Variants in SIL1 observed in about 807,000 individuals in gnomAD.
The protein encoded by SIL1 is nucleotide exchange factor SIL1.
Under a neutral mutation model 49.1 loss-of-function variants are expected in SIL1, and 40 were observed. The observed-to-expected ratio is 0.81, with a 90% CI of 0.63 to 1.06. The LOEUF is 1.06. Among genes scored for constraint, SIL1 ranks in the 50% least tolerant of loss-of-function variants. The probability of loss-of-function intolerance (pLI) is 0.00; values close to 1 mark genes in which losing one functional copy is unlikely to be tolerated. For synonymous variants in SIL1, 253 were observed against 250.8 expected, an observed-to-expected ratio of 1.01 and a Z score of -0.08; for missense variants, 500 against 572.6, an observed-to-expected ratio of 0.87 and a Z score of 1.29.
intron 1 of SIL1, among the ~76,000 whole-genome samples, chr5:139,164,589 T>C (rs1281916252): frequency 6.6e-6 from 1 of 152,162 alleles, no homozygotes; most frequent in Non-Finnish European, 1.5e-5. Flanking sequence ...ATCTTCACCA[T>C]TCATTGAGCA....
chr5:139,113,105 C>T (rs1260165524), intron 3 of SIL1, among the ~76,000 whole-genome samples: 1 of 151,608 alleles, frequency 6.6e-6, no homozygotes, highest in Non-Finnish European at 1.5e-5. Context: ...GCAGCATGCT[C>T]GTTAAGAGTC....
intron 3 of SIL1, among the ~76,000 whole-genome samples, chr5:139,088,864 A>C (rs554882795): frequency 4.7e-4 from 71 of 152,210 alleles, no homozygotes; most frequent in South Asian, 1.0e-3. Context: ...GGGATGCACA[A>C]GACTTCATCA....
chr5:139,114,040 A>G (rs1770933356), intron 3 of SIL1, among the ~76,000 whole-genome samples: 1 of 152,218 alleles, frequency 6.6e-6, no homozygotes, highest in Non-Finnish European at 1.5e-5. Flanking sequence ...TGCTTGTTAG[A>G]AAGAGGATGG....
At chr5:139,018,959 C>T (rs991009068) in intron 7 of SIL1, among the ~76,000 whole-genome samples, 11 of 152,180 alleles carry the variant, frequency 7.2e-5, no homozygotes, top group Admixed American at 5.9e-4. Flanking sequence ...AAACTTGAAA[C>T]TAGATTGACT....
chr5:138,951,725 C>G lies in SIL1; in HGVS notation c.864+63G>C, dbSNP rs1377231994. ...AACATGCACAGCCTGGACAGGAACCCTTTCCTTTCAGGCCCCACACGTGTC... is the reference window on the plus strand; with the variant it reads ...AACATGCACAGCCTGGACAGGAACCGTTTCCTTTCAGGCCCCACACGTGTC... On this transcript the variant is annotated intron_variant, in intron 8 of 9. Coordinates refer to ENST00000394817, the MANE Select transcript of SIL1 (RefSeq NM_022464.5). 9 of 1,478,946 alleles carry G rather than the reference C, an allele frequency of 6.1e-6. No homozygotes were observed. In the East Asian group the frequency reaches 1.6e-4, roughly 26 times the overall value. 91.6% of individuals were successfully genotyped at this position (1,478,946 alleles called of 1,614,324 possible).
intron 7 of SIL1, among the ~76,000 whole-genome samples, chr5:139,006,543 A>C (rs1443126553): frequency 1.3e-5 from 2 of 148,534 alleles, no homozygotes; most frequent in African/African-American, 5.0e-5. Flanking sequence ...CTATGTCCTG[A>C]ATGGTAATGC....
intron 3 of SIL1, among the ~76,000 whole-genome samples, chr5:139,104,527 C>T (rs1770659317): frequency 1.3e-5 from 2 of 152,164 alleles, no homozygotes; most frequent in Non-Finnish European, 2.9e-5. Context: ...ACCTAATGCC[C>T]CTTTTCCTCT....
At chr5:139,174,351 G>T (rs899563548) in intron 1 of SIL1, among the ~76,000 whole-genome samples, 1 of 152,070 alleles carries the variant, frequency 6.6e-6, no homozygotes, top group Non-Finnish European at 1.5e-5. Flanking sequence ...TTTAAAATTA[G>T]CCAGGCATGG....
chr5:139,170,754 G>A (rs1751740759), intron 1 of SIL1, among the ~76,000 whole-genome samples: 1 of 151,452 alleles, frequency 6.6e-6, no homozygotes, highest in African/African-American at 2.4e-5. Context: ...CCGCCCGGCA[G>A]CCACCCCGTC....
intron 2 of SIL1, among the ~76,000 whole-genome samples, chr5:139,126,416 T>G (rs1207440495): frequency 6.6e-6 from 1 of 152,200 alleles, no homozygotes; most frequent in Non-Finnish European, 1.5e-5. Flanking sequence ...CTTTGTTAAT[T>G]GTGCATCTGC....
chr5:139,051,139 G>A, intron 3 of SIL1, 93 bp from the exon 4 acceptor site: 1 of 1,105,788 alleles, frequency 9.0e-7, no homozygotes, highest in Non-Finnish European at 1.4e-6. Flanking sequence ...ACTAGTTCAT[G>A]AAGACACGAC....
chr5:139,102,318 G>A (rs546436763), intron 3 of SIL1, among the ~76,000 whole-genome samples: 2 of 152,152 alleles, frequency 1.3e-5, no homozygotes, highest in African/African-American at 4.8e-5. Flanking sequence ...TGTACAGTAT[G>A]ACTGCACTTT....
rs538090998 is a variant in SIL1 at position 139,185,416 on chromosome 5, G to A, written c.-11+12853C>T. On this transcript the variant is annotated intron_variant, in intron 1 of 9. Coordinates refer to ENST00000394817, the MANE Select transcript of SIL1 (RefSeq NM_022464.5). ...AGTTTTTAATATTAGAAGTGTTTTG[G>A]TCTTTATTTAGAAGTTTGGTCATGT... Among the ~76,000 whole-genome samples the A allele has an allele frequency of 2.0e-5, 3 of 152,258 alleles. No homozygotes were observed. In the East Asian group the frequency reaches 5.8e-4, roughly 29 times the overall value.
At chr5:138,977,106 T>G (rs1767409575) in intron 7 of SIL1, among the ~76,000 whole-genome samples, 1 of 152,186 alleles carries the variant, frequency 6.6e-6, no homozygotes, top group Admixed American at 6.5e-5. Context: ...GCAGGATTGC[T>G]CTACTCGTCT....
chr5:139,151,975 TA>T (rs1223104727), intron 1 of SIL1, among the ~76,000 whole-genome samples: 1 of 152,228 alleles, frequency 6.6e-6, no homozygotes, highest in Non-Finnish European at 1.5e-5. Flanking sequence ...AACATTGTCA[TA>T]AAAAATTTCA....
At chr5:139,158,776 A>G (rs1172608379) in intron 1 of SIL1, among the ~76,000 whole-genome samples, 2 of 152,212 alleles carry the variant, frequency 1.3e-5, no homozygotes, top group Admixed American at 1.3e-4. Flanking sequence ...GCTCCTATTT[A>G]TTATGTATCC....
At chr5:139,093,463 C>G (rs938289732) in intron 3 of SIL1, among the ~76,000 whole-genome samples, 2 of 152,142 alleles carry the variant, frequency 1.3e-5, no homozygotes, top group Non-Finnish European at 2.9e-5. Context: ...CCACACTAAC[C>G]CAGTCCGTGT....
intron 3 of SIL1, among the ~76,000 whole-genome samples, chr5:139,074,700 C>T (rs1489043251): frequency 6.6e-6 from 1 of 152,198 alleles, no homozygotes. Context: ...GGAGGATTTG[C>T]TCCCACATTG....
intron 2 of SIL1, among the ~76,000 whole-genome samples, chr5:139,126,866 C>A (rs1316056620): frequency 6.6e-6 from 1 of 152,118 alleles, no homozygotes; most frequent in East Asian, 1.9e-4. Flanking sequence ...GAGCTTCCAG[C>A]GCTTTATCCA....
Sources: allele counts gnomAD v4.1 joint callset (sites outside exome capture counted in the v4.1 genomes callset), GRCh38; gene constraint gnomAD v4.1.1; transcripts MANE v1.5; gene names NCBI Gene and HGNC (gene_info 2026-07-23, HGNC 2026-07-21).